The following SAMD12 variants were observed in gnomAD, a reference collection of about 807,000 sequenced individuals.
SAMD12 encodes sterile alpha motif domain-containing protein 12.
In SAMD12, 9 loss-of-function variants were observed where a neutral mutation model predicts 15.0. The ratio of observed to expected loss-of-function variants is 0.60; its 90% confidence interval spans 0.36 to 1.05. The LOEUF (loss-of-function observed/expected upper bound fraction) is 1.05, where lower values mean the gene tolerates loss of function less well. SAMD12 is among the 50% of genes least tolerant of loss of function. The pLI, the probability that SAMD12 is intolerant of heterozygous loss-of-function variation, is 0.01. For missense variants in SAMD12, 230 were observed against 234.2 expected (o/e 0.98, Z 0.12); for synonymous variants, 86 against 90.1 (o/e 0.96, Z 0.25).
rs1048362082 is a variant in SAMD12, at chr8:118,550,169, C to T, written c.192+30546G>A. Among the ~76,000 whole-genome samples, 120 of 152,212 alleles carry T rather than the reference C, an allele frequency of 7.9e-4. 1 individual carries two copies. The highest frequency in any genetic ancestry group is 2.0e-3 in the African/African-American group (84 of 41,526). ...CAGGCCAACATTCAGATTCAGGAAA[C>T]ACAGAGAACGCCACAAAGATACTCC... On this transcript the variant is annotated intron_variant, in intron 2 of 3. Coordinates refer to ENST00000314727, the MANE Select transcript of SAMD12 (RefSeq NM_207506.3).
intron 3 of SAMD12, among the ~76,000 whole-genome samples, chr8:118,395,747 T>C (rs1325373459): frequency 6.6e-6 from 1 of 152,030 alleles, no homozygotes; most frequent in Non-Finnish European, 1.5e-5. Flanking sequence ...TCATGAGGTC[T>C]GGAGATTGAG....
At chr8:118,566,519 T>C (rs1018428555) in intron 2 of SAMD12, among the ~76,000 whole-genome samples, 1 of 152,212 alleles carries the variant, frequency 6.6e-6, no homozygotes, top group Non-Finnish European at 1.5e-5. Flanking sequence ...AGGAGCCTAA[T>C]ATACACTTTT....
chr8:118,470,907 A>G (rs1197683003), intron 2 of SAMD12, among the ~76,000 whole-genome samples: 1 of 152,224 alleles, frequency 6.6e-6, no homozygotes, highest in African/African-American at 2.4e-5. Context: ...TGATTTTAAG[A>G]CTTGGATTAA....
intron 2 of SAMD12, among the ~76,000 whole-genome samples, chr8:118,470,257 TAAAA>T (rs58224508): frequency 7.0e-6 from 1 of 143,172 alleles, no homozygotes; most frequent in African/African-American, 2.8e-5. Context: ...TTTTTTTTTT[TAAAA>T]AAAAAGGAGG....
chr8:118,593,951 T>C (rs1048061847), intron 1 of SAMD12, among the ~76,000 whole-genome samples: 2 of 152,214 alleles, frequency 1.3e-5, no homozygotes, highest in African/African-American at 2.4e-5. Context: ...TTCTAGACAG[T>C]TTTATAAAAG....
chr8:118,280,277 C>T (rs919418373), intron 4 of SAMD12, among the ~76,000 whole-genome samples: 1 of 152,136 alleles, frequency 6.6e-6, no homozygotes, highest in South Asian at 2.1e-4. Context: ...GTTATTGTGT[C>T]ACAGTAAATA....
At chr8:118,236,052 T>C (rs1249634149) in intron 4 of SAMD12, among the ~76,000 whole-genome samples, 1 of 152,198 alleles carries the variant, frequency 6.6e-6, no homozygotes, top group Non-Finnish European at 1.5e-5. Flanking sequence ...TGAGATTAAA[T>C]AAGCTGACAT....
intron 4 of SAMD12, among the ~76,000 whole-genome samples, chr8:118,339,365 G>C (rs1817236946): frequency 6.6e-6 from 1 of 151,996 alleles, no homozygotes; most frequent in Admixed American, 6.6e-5. Flanking sequence ...AGGAAAGAGA[G>C]AGAGAAAGAA....
the SAMD12 span, among the ~76,000 whole-genome samples, chr8:118,161,035 C>T: frequency 3.3e-5 from 5 of 152,066 alleles, no homozygotes; most frequent in Non-Finnish European, 7.4e-5. Flanking sequence ...TGAGTGAGAA[C>T]ATGCGGTGTT....
chr8:118,472,531 C>T (rs550660989), intron 2 of SAMD12, among the ~76,000 whole-genome samples: 27 of 151,906 alleles, frequency 1.8e-4, no homozygotes, highest in Non-Finnish European at 2.5e-4. Flanking sequence ...AAAAAATAGC[C>T]GGGCATGGCA....
intron 4 of SAMD12, among the ~76,000 whole-genome samples, chr8:118,207,717 C>A (rs1819901551): frequency 6.6e-6 from 1 of 152,070 alleles, no homozygotes; most frequent in Non-Finnish European, 1.5e-5. Flanking sequence ...TTTAAATTAT[C>A]TTTTCTCCTC....
At position 118,378,748 on chromosome 8, in the gene SAMD12, C is replaced by T; in HGVS notation, c.*669G>A. 1 of 984,312 alleles carries T rather than the reference C, an allele frequency of 1.0e-6. No individual in the cohort carries two copies. The highest frequency in any genetic ancestry group is 1.2e-6 in the Non-Finnish European group (1 of 829,032). The allele number at this position is 984,312 out of a possible 1,614,324, so 61.0% of individuals were successfully genotyped here. On this transcript the variant is annotated 3_prime_UTR_variant, in exon 4 of 4. Transcript: ENST00000314727. Reference sequence around the variant, plus strand: ...AAATAAAACAAATAAAGTTTATAGCCAATGAAGGTTGATAGCATCCAAATC... The same window carrying T: ...AAATAAAACAAATAAAGTTTATAGCTAATGAAGGTTGATAGCATCCAAATC...
At chr8:118,616,346 AAGC>A (rs1204619650) in intron 1 of SAMD12, among the ~76,000 whole-genome samples, 2,923 of 152,294 alleles carry the variant, frequency 0.019, 75 homozygotes, top group African/African-American at 0.065. Context: ...TCATTCATTC[AAGC>A]TTCAAGGATG....
intron 3 of SAMD12, among the ~76,000 whole-genome samples, chr8:118,438,411 T>C (rs1407092815): frequency 1.3e-5 from 1 of 74,958 alleles, no homozygotes; most frequent in Non-Finnish European, 2.8e-5. Flanking sequence ...GCTTAAATGT[T>C]TAAAAAAAAT....
the SAMD12 span, among the ~76,000 whole-genome samples, chr8:118,132,984 ATATATATATAT>A: frequency 4.3e-5 from 2 of 46,336 alleles, 1 homozygote; most frequent in African/African-American, 1.6e-4. Context: ...ATATATATAT[ATATATATATAT>A]ATATATATAT....
intron 4 of SAMD12, among the ~76,000 whole-genome samples, chr8:118,318,337 T>C (rs923903158): frequency 2.1e-5 from 2 of 96,982 alleles, no homozygotes; most frequent in South Asian, 2.5e-4. Flanking sequence ...TATATATATA[T>C]ATATATATAT....
chr8:118,213,964 A>G (rs958669798), intron 4 of SAMD12, among the ~76,000 whole-genome samples: 5 of 152,154 alleles, frequency 3.3e-5, no homozygotes, highest in Admixed American at 6.5e-5. Context: ...ACACCCACCT[A>G]TTGACCACAC....
intron 2 of SAMD12, 79 bp from the exon 3 acceptor site, chr8:118,440,040 T>C: frequency 7.0e-7 from 1 of 1,434,756 alleles, no homozygotes; most frequent in Non-Finnish European, 9.7e-7. Flanking sequence ...TTAGAGTGTG[T>C]TAAAGGCTAC....
intron 2 of SAMD12, among the ~76,000 whole-genome samples, chr8:118,553,566 A>G (rs1826419918): frequency 6.6e-6 from 1 of 150,870 alleles, no homozygotes; most frequent in Admixed American, 6.6e-5. Flanking sequence ...TTAGACCTAA[A>G]ACCATAAAAA....
Sources: allele counts gnomAD v4.1 joint callset (sites outside exome capture counted in the v4.1 genomes callset), GRCh38; gene constraint gnomAD v4.1.1; transcripts MANE v1.5; gene names NCBI Gene and HGNC (gene_info 2026-07-23, HGNC 2026-07-21).